The following MARCHF6 variants were observed in gnomAD, a reference collection of about 807,000 sequenced individuals.
The protein encoded by MARCHF6 is membrane associated ring-CH-type finger 6.
MARCHF6 carries 31 observed loss-of-function variants against 133.7 expected under a neutral mutation model. The ratio of observed to expected loss-of-function variants is 0.23; its 90% confidence interval spans 0.17 to 0.31. The LOEUF is 0.31. MARCHF6 is among the 10% of genes least tolerant of loss of function. The pLI, the probability that MARCHF6 is intolerant of heterozygous loss-of-function variation, is 1.00. For missense variants in MARCHF6, 723 were observed against 1,121.6 expected, an observed-to-expected ratio of 0.64 and a Z score of 5.08; for synonymous variants, 395 against 402.5, an observed-to-expected ratio of 0.98 and a Z score of 0.22.
chr5:10,391,774 C>G lies in MARCHF6; in HGVS notation c.766+43C>G, dbSNP rs930481411. The G allele has an allele frequency of 2.8e-6, 4 of 1,414,770 alleles. No homozygotes were observed. The African/African-American group carries it at 5.9e-5, about 21-fold the overall frequency. 87.6% of individuals were successfully genotyped at this position (1,414,770 alleles called of 1,614,324 possible). ...GTCCTCACTCTTCAGCACTGCAAAT[C>G]TGTTCTCAACTTGCATTGAGGAAAA... On this transcript the variant is annotated intron_variant, in intron 7 of 25. Coordinates refer to ENST00000274140, the MANE Select transcript of MARCHF6 (RefSeq NM_005885.4).
chr5:10,378,069 A>G (rs988291094), intron 2 of MARCHF6, among the ~76,000 whole-genome samples, 175 bp downstream of exon 2: 2 of 152,252 alleles, frequency 1.3e-5, no homozygotes, highest in Admixed American at 6.5e-5. Flanking sequence ...AAAAATTTGG[A>G]AAAGAAATTA....
chr5:10,404,923 T>C (rs1334159043), intron 15 of MARCHF6, among the ~76,000 whole-genome samples: 1 of 152,258 alleles, frequency 6.6e-6, no homozygotes, highest in Non-Finnish European at 1.5e-5. Flanking sequence ...ATTAAGTGAA[T>C]AAAATGCTTT....
At chr5:10,410,794 T>C (rs1233091496) in intron 18 of MARCHF6, among the ~76,000 whole-genome samples, 1 of 152,252 alleles carries the variant, frequency 6.6e-6, no homozygotes, top group Non-Finnish European at 1.5e-5. Flanking sequence ...TTATATTTGC[T>C]TGAACATCTG....
At chr5:10,379,406 A>T (rs1051269013) in intron 3 of MARCHF6, among the ~76,000 whole-genome samples, 4 of 152,036 alleles carry the variant, frequency 2.6e-5, no homozygotes, top group African/African-American at 9.7e-5. Context: ...TCAAATTTGG[A>T]CTACATTTTG....
rs552685197 is a variant in MARCHF6, at chr5:10,387,682, G to GT, written c.407+623dup. On this transcript the variant is annotated intron_variant, in intron 5 of 25. Transcript: ENST00000274140. ...ATGTTCACAAAAGTTTTTTTGTTTT[G>GT]TTTTTTTAAATGGAGCCTCGCTCTA... Among the ~76,000 whole-genome samples the GT allele has an allele frequency of 3.9e-5, 6 of 152,068 alleles. No individual in the cohort carries two copies. In the South Asian group the frequency reaches 6.2e-4, roughly 16 times the overall value.
intron 22 of MARCHF6, among the ~76,000 whole-genome samples, chr5:10,417,624 C>T (rs1739581339): frequency 7.4e-6 from 1 of 134,638 alleles, no homozygotes. Context: ...GCTTGGGAGG[C>T]AAAGGTGAGA....
chr5:10,400,432 T>C (rs1738456773), intron 10 of MARCHF6, among the ~76,000 whole-genome samples: 1 of 152,162 alleles, frequency 6.6e-6, no homozygotes, highest in Non-Finnish European at 1.5e-5. Context: ...TTTTCTCTTT[T>C]CGTGATTATT....
chr5:10,353,973 C>T (rs532819063), intron 1 of MARCHF6, 56 bp downstream of exon 1: 11 of 1,506,770 alleles, frequency 7.3e-6, no homozygotes, highest in South Asian at 2.5e-5. Context: ...GGTTCGTACC[C>T]CGGCCAGGTC....
At chr5:10,369,199 C>A in intron 1 of MARCHF6, among the ~76,000 whole-genome samples, 1 of 152,150 alleles carries the variant, frequency 6.6e-6, no homozygotes, top group East Asian at 1.9e-4. Flanking sequence ...CATGTCCATG[C>A]CTAATTTCAG....
At chr5:10,418,905 C>A (rs1222038035) in intron 22 of MARCHF6, among the ~76,000 whole-genome samples, 5 of 152,140 alleles carry the variant, frequency 3.3e-5, no homozygotes, top group Admixed American at 1.3e-4. Context: ...GACATTTAAT[C>A]TAGCTTTGGG....
At chr5:10,355,344 G>T (rs563729928) in intron 1 of MARCHF6, among the ~76,000 whole-genome samples, 12 of 152,162 alleles carry the variant, frequency 7.9e-5, no homozygotes, top group Admixed American at 6.5e-4. Flanking sequence ...TTAGATTCAG[G>T]TTTTAATGAG....
At chr5:10,429,538 A>G (rs1040743484) in intron 24 of MARCHF6, among the ~76,000 whole-genome samples, 5 of 151,852 alleles carry the variant, frequency 3.3e-5, no homozygotes, top group Non-Finnish European at 5.9e-5. Context: ...AGCTGGGACT[A>G]CAGGTGCAAC....
Position 10,405,567 on chromosome 5 carries a change from C to G in MARCHF6, c.1342C>G (p.Pro448Ala). 1 of 1,597,738 alleles carries G rather than the reference C, an allele frequency of 6.3e-7. No homozygotes were observed. Among genetic ancestry groups the G allele is most frequent in the Non-Finnish European group, 8.5e-7 (1 of 1,175,164 alleles). ...FILLLREVLR[P>A]GVLWFLRNLN... The stretch of plus-strand genomic sequence containing the variant: ...TAAAATATATTTGCAGGTACTTCGA[C>G]CTGGTGTCCTGTGGTTTCTAAGGAA... Residue 448 changes from proline (P) to alanine (A), a missense_variant, in exon 16 of 26, where the codon CCT (proline) becomes GCT (alanine). By Grantham distance (27) the Pro-to-Ala change is conservative. Transcript: ENST00000274140.
chr5:10,386,063 T>G (rs1737457756), intron 4 of MARCHF6, among the ~76,000 whole-genome samples: 1 of 152,162 alleles, frequency 6.6e-6, no homozygotes, highest in Non-Finnish European at 1.5e-5. Flanking sequence ...CACTCTGTAG[T>G]AAGAAGGCCT....
intron 18 of MARCHF6, among the ~76,000 whole-genome samples, chr5:10,410,536 C>CTT (rs539275040): frequency 2.1e-5 from 3 of 142,856 alleles, no homozygotes; most frequent in Admixed American, 7.0e-5. Context: ...GAGTAAATGT[C>CTT]TTTTTTTTTT....
intron 7 of MARCHF6, among the ~76,000 whole-genome samples, chr5:10,393,326 C>T (rs1207349208): frequency 6.6e-6 from 1 of 152,202 alleles, no homozygotes; most frequent in Non-Finnish European, 1.5e-5. Context: ...CCTCCTGCCT[C>T]AGCCTCCCAA....
At chr5:10,395,133 G>A (rs1251930119) in intron 9 of MARCHF6, among the ~76,000 whole-genome samples, 1 of 152,210 alleles carries the variant, frequency 6.6e-6, no homozygotes, top group Non-Finnish European at 1.5e-5. Context: ...AATTGGAGTT[G>A]TCTTAGTGAT....
chr5:10,419,274 T>C (rs1739702252), intron 22 of MARCHF6, among the ~76,000 whole-genome samples: 1 of 152,178 alleles, frequency 6.6e-6, no homozygotes, highest in South Asian at 2.1e-4. Flanking sequence ...CATGAGATAG[T>C]CACTACGTAA....
At chr5:10,370,161 C>T (rs1579531578) in intron 1 of MARCHF6, among the ~76,000 whole-genome samples, 1 of 121,780 alleles carries the variant, frequency 8.2e-6, no homozygotes. Context: ...AGTGCAGTGG[C>T]GCCGTCATAG....
Sources: allele counts gnomAD v4.1 joint callset (sites outside exome capture counted in the v4.1 genomes callset), GRCh38; gene constraint gnomAD v4.1.1; transcripts MANE v1.5; gene names NCBI Gene and HGNC (gene_info 2026-07-23, HGNC 2026-07-21).